ZFHX3: variants seen among roughly 807,000 people sequenced by gnomAD.
ZFHX3 encodes zinc finger homeobox protein 3.
In ZFHX3, 42 loss-of-function variants were observed where a neutral mutation model predicts 279.1. The observed-to-expected ratio is 0.15, with a 90% CI of 0.12 to 0.19. ZFHX3 has a LOEUF of 0.19. Among genes scored for constraint, ZFHX3 ranks in the 10% least tolerant of loss-of-function variants. The probability of loss-of-function intolerance (pLI) is 1.00; values close to 1 mark genes in which losing one functional copy is unlikely to be tolerated. For missense variants in ZFHX3, 4,981 were observed against 4,754.0 expected (o/e 1.05, Z -1.40); for synonymous variants, 2,293 against 1,957.8 (o/e 1.17, Z -4.52).
intron 1 of ZFHX3, among the ~76,000 whole-genome samples, chr16:73,801,442 G>C (rs1052096011): frequency 6.6e-6 from 1 of 152,092 alleles, no homozygotes; most frequent in Non-Finnish European, 1.5e-5. Context: ...ATAGCTACTG[G>C]TCCTCCAAAA....
intron 2 of ZFHX3, among the ~76,000 whole-genome samples, chr16:73,588,189 G>A (rs1027610661): frequency 1.8e-4 from 27 of 152,120 alleles, no homozygotes; most frequent in African/African-American, 5.5e-4. Flanking sequence ...CAACAAATTA[G>A]CAACTATATT....
intron 5 of ZFHX3, among the ~76,000 whole-genome samples, chr16:73,249,198 T>A (rs1451533027): frequency 2.0e-5 from 3 of 152,230 alleles, no homozygotes; most frequent in Non-Finnish European, 4.4e-5. Context: ...TGTTTTTGCC[T>A]CTAAAGTTAG....
chr16:73,761,619 C>G (rs764182904), intron 1 of ZFHX3, among the ~76,000 whole-genome samples: 1 of 152,084 alleles, frequency 6.6e-6, no homozygotes, highest in African/African-American at 2.4e-5. Context: ...CAGCATAATA[C>G]CAGTACAAAA....
intron 2 of ZFHX3, among the ~76,000 whole-genome samples, chr16:73,537,098 A>G (rs574315608): frequency 2.6e-5 from 4 of 152,274 alleles, no homozygotes; most frequent in South Asian, 2.1e-4. Flanking sequence ...GACCTGTCTC[A>G]GTTATGACCA....
intron 1 of ZFHX3, among the ~76,000 whole-genome samples, chr16:73,001,107 C>T (rs1174179899): frequency 1.3e-5 from 2 of 152,234 alleles, no homozygotes; most frequent in African/African-American, 4.8e-5. Context: ...TAGGACACCA[C>T]TTCTGAGATG....
chr16:73,681,845 T>A (rs182452090), intron 1 of ZFHX3, among the ~76,000 whole-genome samples: 1 of 152,360 alleles, frequency 6.6e-6, no homozygotes, highest in Admixed American at 6.5e-5. Flanking sequence ...AAGCCCCTGC[T>A]TAGAAAATGT....
intron 2 of ZFHX3, among the ~76,000 whole-genome samples, chr16:73,459,645 G>C (rs1184962880): frequency 2.0e-5 from 3 of 152,190 alleles, no homozygotes; most frequent in Non-Finnish European, 2.9e-5. Context: ...TGGGATTACA[G>C]GTGTGAGCCA....
chr16:73,661,973 GTT>G lies in ZFHX3; in HGVS notation c.-1547+18205_-1547+18206del, dbSNP rs5817862. 3.5e-5 allele frequency among the ~76,000 whole-genome samples: 5 copies of G among 144,142 alleles called. No homozygotes were observed. The South Asian group carries it at 1.1e-3, about 31-fold the overall frequency. The allele number at this position is 144,142 out of a possible 152,430, so 94.6% of individuals were successfully genotyped here. A position where few individuals can be genotyped will look rare whatever the true frequency, so the allele number is the denominator to read the frequency against. ...TAACGTAGGTCATTCTTTTTTTTTT[GTT>G]TTTTTTTTTAAGGATAGACACAACG... On this transcript the variant is annotated intron_variant, in intron 2 of 17. Coordinates refer to the ZFHX3 transcript ENST00000641206.
chr16:73,410,512 C>T (rs1366054680), intron 3 of ZFHX3, among the ~76,000 whole-genome samples: 1 of 152,190 alleles, frequency 6.6e-6, no homozygotes, highest in Non-Finnish European at 1.5e-5. Flanking sequence ...ATGGGTACCC[C>T]ATTTACCCTG....
intron 3 of ZFHX3, among the ~76,000 whole-genome samples, chr16:72,894,928 A>G (rs1173136215): frequency 6.6e-6 from 1 of 152,192 alleles, no homozygotes; most frequent in Non-Finnish European, 1.5e-5. Context: ...CTCTGTGCTC[A>G]CAATTCCTAC....
chr16:73,180,954 C>T (rs911392982), intron 5 of ZFHX3, among the ~76,000 whole-genome samples: 3 of 152,164 alleles, frequency 2.0e-5, no homozygotes, highest in East Asian at 1.9e-4. Flanking sequence ...TGAGCCACCG[C>T]GCCTGGCCCA....
intron 5 of ZFHX3, among the ~76,000 whole-genome samples, chr16:73,248,027 G>C (rs62654023): frequency 0.99 from 146,843 of 148,012 alleles, 72,837 homozygotes; most frequent in Non-Finnish European, 1. Flanking sequence ...TATAATGTGT[G>C]TGTGTATATG....
At chr16:73,779,823 C>A (rs1959391099) in intron 1 of ZFHX3, among the ~76,000 whole-genome samples, 1 of 152,034 alleles carries the variant, frequency 6.6e-6, no homozygotes, top group Non-Finnish European at 1.5e-5. Flanking sequence ...GATTTAGCAA[C>A]TCTCCTGCCT....
At chr16:73,532,474 C>T (rs143697551) in intron 2 of ZFHX3, among the ~76,000 whole-genome samples, 3,176 of 152,112 alleles carry the variant, frequency 0.021, 102 homozygotes, top group African/African-American at 0.073. Context: ...TATGTCTTTA[C>T]CAGCAGCGTG....
chr16:72,824,781 G>C (rs903943705), intron 5 of ZFHX3, among the ~76,000 whole-genome samples: 3 of 152,172 alleles, frequency 2.0e-5, no homozygotes, highest in Non-Finnish European at 4.4e-5. Flanking sequence ...TGATTAATTG[G>C]ATAATCACTG....
chr16:72,895,791 T>C (rs562371756), intron 3 of ZFHX3, among the ~76,000 whole-genome samples: 3 of 152,168 alleles, frequency 2.0e-5, no homozygotes, highest in African/African-American at 7.2e-5. Flanking sequence ...ACCAGCGTAC[T>C]CCACCCTGGC....
intron 3 of ZFHX3, among the ~76,000 whole-genome samples, chr16:73,378,030 CAAAAAAAAAAAAAAAAAAAAAAAAAAA>C (rs71156159): frequency 1.9e-5 from 1 of 53,816 alleles, no homozygotes; most frequent in Non-Finnish European, 3.2e-5. Flanking sequence ...GACTCTGTCT[CAAAAAAAAAAAAAAAAAAAAAAAAAAA>C]AAAAAAAAAA....
rs377563465 is a variant in ZFHX3 at position 72,795,506 on chromosome 16, G to A, written c.7176C>T (p.Ser2392=). 24 of 1,614,018 alleles carry A rather than the reference G, an allele frequency of 1.5e-5. No individual in the cohort carries two copies. Among genetic ancestry groups the A allele is most frequent in the South Asian group, 2.2e-5 (2 of 91,084 alleles). Residue 2392 remains serine (S), a synonymous_variant, in exon 9 of 10, where the codon AGC becomes AGT. Transcript: ENST00000268489. ...CSTPMPSQAY[S]APAPSANNTA... ...TATTATTGGCTGATGGTGCTGGGGC[G>A]CTGTAAGCCTGTGAGGGCATCGGGG...
chr16:73,359,879 A>T (rs549048832), intron 3 of ZFHX3, among the ~76,000 whole-genome samples: 1 of 150,380 alleles, frequency 6.6e-6, no homozygotes, highest in East Asian at 2.0e-4. Flanking sequence ...GGTATTGATC[A>T]TGGGGGGTGG....
Sources: gnomAD v4.1 joint callset for allele counts (sites outside exome capture counted in the v4.1 genomes callset) on GRCh38, gnomAD v4.1.1 for gene constraint, MANE v1.5 for transcripts, NCBI Gene and HGNC (gene_info 2026-07-23, HGNC 2026-07-21) for gene names.